RHOA: variants seen among roughly 807,000 people sequenced by gnomAD.
The protein encoded by RHOA is ras homolog family member A, also known as transforming protein RhoA.
Under a neutral mutation model 17.5 loss-of-function variants are expected in RHOA, and 3 were observed. The observed-to-expected ratio is 0.17, with a 90% CI of 0.08 to 0.44. The LOEUF is 0.44. Among genes scored for constraint, RHOA ranks in the 20% least tolerant of loss-of-function variants. The probability of loss-of-function intolerance (pLI) is 0.99; values close to 1 mark genes in which losing one functional copy is unlikely to be tolerated. For synonymous variants in RHOA, 98 were observed against 88.4 expected, an observed-to-expected ratio of 1.11 and a Z score of -0.61; for missense variants, 56 against 242.3, an observed-to-expected ratio of 0.23 and a Z score of 5.10.
chr3:49,390,682 C>T (rs1332042541), intron 1 of RHOA, among the ~76,000 whole-genome samples: 7 of 151,996 alleles, frequency 4.6e-5, no homozygotes, highest in African/African-American at 1.7e-4. Context: ...TGGCTTAATC[C>T]TCTGTCTAAT....
intron 1 of RHOA, among the ~76,000 whole-genome samples, chr3:49,378,240 CTTTTTTT>C (rs71077802): frequency 0.035 from 2,127 of 60,904 alleles, 64 homozygotes; most frequent in African/African-American, 0.12. Context: ...ATCCATCTAT[CTTTTTTT>C]TTTTTTTTTT....
chr3:49,406,855 A>G (rs1464752218), intron 1 of RHOA: 1 of 152,134 alleles, frequency 6.6e-6, no homozygotes, highest in African/African-American at 2.4e-5. Flanking sequence ...AATTTTAAAA[A>G]CAAATCCTTA....
At chr3:49,400,685 C>T (rs1490588485) in intron 1 of RHOA, among the ~76,000 whole-genome samples, 1 of 152,018 alleles carries the variant, frequency 6.6e-6, no homozygotes, top group African/African-American at 2.4e-5. Flanking sequence ...CATGCCACTG[C>T]ACTCCAGCCT....
At chr3:49,398,490 G>A (rs538916775) in intron 1 of RHOA, among the ~76,000 whole-genome samples, 1 of 151,978 alleles carries the variant, frequency 6.6e-6, no homozygotes, top group Non-Finnish European at 1.5e-5. Flanking sequence ...GAAAGGGTAG[G>A]CAGTAGCATC....
intron 1 of RHOA, among the ~76,000 whole-genome samples, chr3:49,408,082 C>G (rs527598341): frequency 6.6e-6 from 1 of 151,948 alleles, no homozygotes; most frequent in African/African-American, 2.4e-5. Flanking sequence ...ATCACTTGAA[C>G]TAGGAGGCGG....
intron 1 of RHOA, among the ~76,000 whole-genome samples, chr3:49,392,704 A>G (rs2048530374): frequency 6.6e-6 from 1 of 152,154 alleles, no homozygotes; most frequent in Non-Finnish European, 1.5e-5. Context: ...TTCAATGCTC[A>G]ATAGCCACAT....
At chr3:49,379,576 C>T (rs1018440399) in intron 1 of RHOA, among the ~76,000 whole-genome samples, 1 of 151,970 alleles carries the variant, frequency 6.6e-6, no homozygotes, top group South Asian at 2.1e-4. Context: ...TATAGTGGTG[C>T]GATCTCCACT....
chr3:49,406,429 T>C (rs1366069166), intron 1 of RHOA, among the ~76,000 whole-genome samples: 2 of 152,168 alleles, frequency 1.3e-5, no homozygotes. Context: ...ACAAGCAACT[T>C]TTTTAAATCA....
intron 2 of RHOA, among the ~76,000 whole-genome samples, chr3:49,371,424 T>G (rs921202743): frequency 2.6e-5 from 4 of 151,844 alleles, no homozygotes; most frequent in Non-Finnish European, 4.4e-5. Context: ...GGATTACAAG[T>G]GCCTGCCACC....
At chr3:49,382,463 C>T (rs1575660034) in intron 1 of RHOA, among the ~76,000 whole-genome samples, 1 of 152,068 alleles carries the variant, frequency 6.6e-6, no homozygotes, top group African/African-American at 2.4e-5. Context: ...AGTGAAACCC[C>T]ATCTCTACCC....
chr3:49,391,607 G>A lies in RHOA; in HGVS notation c.-2-16016C>T, dbSNP rs187718518. ...TGCCCAGGCTGGAGTGCAATGGCGC[G>A]ATCTCAACTCACTACAACCTCCGCC... On this transcript the variant is annotated intron_variant, in intron 1 of 4. Coordinates refer to ENST00000418115, the MANE Select transcript of RHOA (RefSeq NM_001664.4). Among the ~76,000 whole-genome samples the A allele has an allele frequency of 4.3e-3, 649 of 151,990 alleles. 4 individuals carry two copies. The highest frequency in any genetic ancestry group is 0.027 in the Middle Eastern group (8 of 294).
At chr3:49,387,443 C>CA (rs1553634189) in intron 1 of RHOA, among the ~76,000 whole-genome samples, 6 of 61,536 alleles carry the variant, frequency 9.8e-5, no homozygotes, top group African/African-American at 2.9e-4. Context: ...GACTCCATCT[C>CA]GGGGGAAAAA....
In RHOA at chr3:49,386,994, G is replaced by A. The variant is rs187128136; in HGVS notation, c.-2-11403C>T. Among the ~76,000 whole-genome samples the A allele has an allele frequency of 3.8e-3, 569 of 151,340 alleles. 4 individuals carry two copies. The highest frequency in any genetic ancestry group is 0.013 in the African/African-American group (544 of 41,200). On this transcript the variant is annotated intron_variant, in intron 1 of 4. Coordinates refer to ENST00000418115, the MANE Select transcript of RHOA (RefSeq NM_001664.4). ...TAGCCAGGCATGGTGGCGGGTGCCT[G>A]TAATCCCAGCTACTCAGGAGGCTGA...
At chr3:49,360,443 A>G (rs942018609) in intron 4 of RHOA, 61 bp from the exon 5 acceptor site, 144 of 1,489,336 alleles carry the variant, frequency 9.7e-5, no homozygotes, top group Non-Finnish European at 1.3e-4. Flanking sequence ...TAGTAAGTAA[A>G]AAGTATTCAA....
rs780868634 is a variant in RHOA at position 49,362,577 on chromosome 3, G to A, written c.327C>T (p.Asn109=). 13 of 1,613,498 alleles carry A rather than the reference G, an allele frequency of 8.1e-6. No homozygotes were observed. Among genetic ancestry groups the A allele is most frequent in the South Asian group, 2.2e-5 (2 of 90,964 alleles). The change falls in exon 4 of 5, where the codon AAC becomes AAT. Residue 109 remains asparagine, a synonymous_variant. Coordinates refer to ENST00000418115, the MANE Select transcript of RHOA (RefSeq NM_001664.4). Reference sequence around the variant, plus strand: ...TATTCCCAACCAGGATGATGGGCACGTTGGGACAGAAATGCTTGACTTCTG... The same window carrying A: ...TATTCCCAACCAGGATGATGGGCACATTGGGACAGAAATGCTTGACTTCTG... ...WTPEVKHFCP[N]VPIILVGNKK...
chr3:49,371,825 T>C (rs2048151401), intron 2 of RHOA, among the ~76,000 whole-genome samples: 1 of 152,218 alleles, frequency 6.6e-6, no homozygotes, highest in South Asian at 2.1e-4. Context: ...TCAAGGTCTC[T>C]AAATTTCTTA....
At chr3:49,393,363 G>C (rs2048542950) in intron 1 of RHOA, among the ~76,000 whole-genome samples, 1 of 151,840 alleles carries the variant, frequency 6.6e-6, no homozygotes, top group Non-Finnish European at 1.5e-5. Context: ...CTGGAGTGCA[G>C]TGACGTAATT....
Position 49,401,041 on chromosome 3 carries a change from C to CAAAAAAAAAAAAAAAAA in RHOA, c.-3+10762_-3+10778dup, listed in dbSNP as rs57354041. 5.4e-3 allele frequency among the ~76,000 whole-genome samples: 365 copies of CAAAAAAAAAAAAAAAAA among 67,548 alleles called. 26 individuals carry two copies. Among genetic ancestry groups the CAAAAAAAAAAAAAAAAA allele is most frequent in the Non-Finnish European group, 6.9e-3 (259 of 37,782 alleles). 44.3% of individuals were successfully genotyped at this position (67,548 alleles called of 152,430 possible). On this transcript the variant is annotated intron_variant, in intron 1 of 4. Coordinates refer to ENST00000418115, the MANE Select transcript of RHOA (RefSeq NM_001664.4). ...AGCCTGGGCGACAGAGACTCCGTCT[C>CAAAAAAAAAAAAAAAAA]AAAAAAAAAAAAAAAAAAAAGAGTT...
chr3:49,373,707 G>A (rs1196219955), intron 2 of RHOA, among the ~76,000 whole-genome samples: 4 of 152,072 alleles, frequency 2.6e-5, no homozygotes, highest in African/African-American at 4.8e-5. Context: ...GGGAGGCTGA[G>A]GTGGAAGGAT....
Sources: allele counts gnomAD v4.1 joint callset (sites outside exome capture counted in the v4.1 genomes callset), GRCh38; gene constraint gnomAD v4.1.1; transcripts MANE v1.5; gene names NCBI Gene and HGNC (gene_info 2026-07-23, HGNC 2026-07-21).